The following LRP1 variants were observed in gnomAD, a reference collection of about 807,000 sequenced individuals.
LRP1 encodes LDL receptor related protein 1, also known as prolow-density lipoprotein receptor-related protein 1.
LRP1 carries 51 observed loss-of-function variants against 541.5 expected under a neutral mutation model. The observed-to-expected ratio is 0.09, with a 90% confidence interval of 0.08 to 0.12. The LOEUF is 0.12. Among genes scored for constraint, LRP1 ranks in the 10% least tolerant of loss-of-function variants. The pLI, the probability that LRP1 is intolerant of heterozygous loss-of-function variation, is 1.00. For missense variants in LRP1, 3,878 were observed against 6,376.2 expected (o/e 0.61, Z 13.34); for synonymous variants, 2,219 against 2,470.8 (o/e 0.90, Z 3.02).
chr12:57,201,065 A>G lies in LRP1; in HGVS notation c.10257A>G (p.Lys3419=). The G allele has an allele frequency of 1.2e-6, 2 of 1,613,976 alleles. No individual in the cohort carries two copies. The highest frequency in any genetic ancestry group is 4.5e-5 in the East Asian group (2 of 44,864). Residue 3419 remains lysine (K), a synonymous_variant, in exon 65 of 89, where the codon AAA becomes AAG. Transcript: ENST00000243077. The surrounding 1 kb of genome is among the most constrained non-coding windows in gnomAD (Gnocchi z 6.4). Reference sequence around the variant, plus strand: ...ACGTCTGCTTGCCCAGTCAGTTCAAATGCACCAACACCAACCGCTGTATTC... The same window carrying G: ...ACGTCTGCTTGCCCAGTCAGTTCAAGTGCACCAACACCAACCGCTGTATTC... ...DIHVCLPSQF[K]CTNTNRCIPG...
intron 55 of LRP1, 46 bp from the exon 56 acceptor site, chr12:57,196,936 C>G (rs934574384): frequency 1.3e-6 from 2 of 1,536,488 alleles, no homozygotes; most frequent in Admixed American, 1.9e-5. Context: ...GGGTGGGAGG[C>G]CCAGACCCTG....
chr12:57,131,410 G>A (rs1407841773), intron 1 of LRP1, among the ~76,000 whole-genome samples: 1 of 152,134 alleles, frequency 6.6e-6, no homozygotes, highest in Non-Finnish European at 1.5e-5. Context: ...ATTTTCTAGT[G>A]GGGAGGGCAC....
At chr12:57,190,384 G>A (rs938925610) in intron 42 of LRP1, among the ~76,000 whole-genome samples, 31 of 152,174 alleles carry the variant, frequency 2.0e-4, no homozygotes, top group Admixed American at 1.8e-3. Context: ...CACATCCTGC[G>A]AGGCAGGTGG....
At chr12:57,137,967 G>A (rs998503489) in intron 1 of LRP1, among the ~76,000 whole-genome samples, 11 of 152,150 alleles carry the variant, frequency 7.2e-5, no homozygotes, top group Admixed American at 2.0e-4. Context: ...TTAGGGGTTG[G>A]GAAGGATGGG....
chr12:57,177,318 C>T lies in LRP1; in HGVS notation c.4196+73C>T, dbSNP rs2036066434. 3 of 1,580,800 alleles carry T rather than the reference C, an allele frequency of 1.9e-6. No homozygotes were observed. Among genetic ancestry groups the T allele is most frequent in the South Asian group, 1.1e-5 (1 of 87,952 alleles). On this transcript the variant is annotated intron_variant, in intron 25 of 88. Transcript: ENST00000243077. This position sits in a 1 kb window ranked among gnomAD's most constrained non-coding sequence, Gnocchi z 6.8. ...TCCCATTCAGCCTGGCCAGGGACAC[C>T]TTACTCCTCAGTGCCATCTGCCTCC...
rs756298065 is a variant in LRP1, at chr12:57,203,496, C to T, written c.10926C>T (p.Ser3642=). The change falls in exon 70 of 89, where the codon AGC becomes AGT. Residue 3642 remains serine (S), a synonymous_variant. Transcript: ENST00000243077. ...CAGACGCCGACTGCATGGACGGCAG[C>T]GACGAGGAGGCCTGCGGCACTGGCG... The part of the protein sequence containing the change: ...CDADADCMDG[S]DEEACGTGVR... 23 of 1,559,018 alleles carry T rather than the reference C, an allele frequency of 1.5e-5. No homozygotes were observed. Among genetic ancestry groups the T allele is most frequent in the South Asian group, 4.7e-5 (4 of 85,162 alleles).
chr12:57,157,873 T>C (rs947830526), intron 10 of LRP1, among the ~76,000 whole-genome samples: 1 of 151,940 alleles, frequency 6.6e-6, no homozygotes, highest in Non-Finnish European at 1.5e-5. Flanking sequence ...GAGGCAGGGG[T>C]TGGATTTTAT....
At chr12:57,155,668 G>A (rs959629260) in intron 8 of LRP1, 8 of 159,706 alleles carry the variant, frequency 5.0e-5, no homozygotes, top group Admixed American at 3.0e-4. Context: ...AAATGGTGGG[G>A]CCAGGCACGG....
intron 41 of LRP1, among the ~76,000 whole-genome samples, chr12:57,186,624 T>C (rs2036275667): frequency 6.6e-6 from 1 of 152,200 alleles, no homozygotes; most frequent in African/African-American, 2.4e-5. Flanking sequence ...TGTCTAAAAA[T>C]GTAGCATCCG....
At position 57,199,201 on chromosome 12, in the gene LRP1, T is replaced by C; in HGVS notation, c.9677-11T>C. The C allele has an allele frequency of 6.2e-7, 1 of 1,611,626 alleles. No homozygotes were observed. Among genetic ancestry groups the C allele is most frequent in the Non-Finnish European group, 8.5e-7 (1 of 1,178,986 alleles). ...GCTGACTGGCACTGTGCCTGCCCCT[T>C]GGCCCTGCAGTGCTGAGCCAGGACA... On this transcript the variant is annotated splice_polypyrimidine_tract_variant and intron_variant, in intron 60 of 88. Transcript: ENST00000243077.
At chr12:57,149,815 T>A (rs2035491790) in intron 6 of LRP1, 1 of 698,294 alleles carries the variant, frequency 1.4e-6, no homozygotes. Flanking sequence ...TTAGCAGAGC[T>A]TCTGCCAGGC....
Position 57,165,603 on chromosome 12 carries a change from T to C in LRP1, c.2531-202T>C, listed in dbSNP as rs1368293227. 5 of 585,248 alleles carry C rather than the reference T, an allele frequency of 8.5e-6. No individual in the cohort carries two copies. Among genetic ancestry groups the C allele is most frequent in the South Asian group, 2.1e-5 (1 of 47,380 alleles). 36.3% of individuals were successfully genotyped at this position (585,248 alleles called of 1,614,324 possible). A position where few individuals can be genotyped will look rare whatever the true frequency, so the allele number is the denominator to read the frequency against. ...ACACTGAAGTACAGTAAGCATTAAG[T>C]AGAGTAAACATCACTATTGTTGCTT... On this transcript the variant is annotated intron_variant, in intron 15 of 88. Coordinates refer to ENST00000243077, the MANE Select transcript of LRP1 (RefSeq NM_002332.3). The surrounding 1 kb of genome is among the most constrained non-coding windows in gnomAD (Gnocchi z 4.5).
intron 50 of LRP1, 131 bp from the exon 51 acceptor site, chr12:57,194,854 C>T: frequency 5.9e-6 from 7 of 1,183,788 alleles, no homozygotes; most frequent in Non-Finnish European, 8.6e-6. Context: ...GAGACTCTGC[C>T]TCTAGCTGCT....
chr12:57,202,092 C>A, intron 67 of LRP1, 187 bp downstream of exon 67: 1 of 716,934 alleles, frequency 1.4e-6, no homozygotes, highest in Non-Finnish European at 2.3e-6. Context: ...CACATCCACC[C>A]GTGCCCCATG....
At chr12:57,149,914 T>C (rs2035494184) in intron 6 of LRP1, 2 of 617,338 alleles carry the variant, frequency 3.2e-6, no homozygotes, top group Non-Finnish European at 5.8e-6. Flanking sequence ...GTAGGATTAC[T>C]AGACAGACTG....
In LRP1 at chr12:57,213,277, TTAA is replaced by T. The variant is rs2036957864; in HGVS notation, c.*727_*729del. ...GCCCCGTTTTGGGGACGTGAACGTT[TTAA>T]TAATTTTTGCTGAATTCCTTTACAA... On this transcript the variant is annotated 3_prime_UTR_variant, in exon 89 of 89. Coordinates refer to ENST00000243077, the MANE Select transcript of LRP1 (RefSeq NM_002332.3). The T allele has an allele frequency of 6.8e-6, 1 of 147,468 alleles. No homozygotes were observed. The highest frequency in any genetic ancestry group is 2.1e-4 in the South Asian group (1 of 4,720). The allele number at this position is 147,468 out of a possible 1,614,324, so 9.1% of individuals were successfully genotyped here. A position where few individuals can be genotyped will look rare whatever the true frequency, so the allele number is the denominator to read the frequency against.
chr12:57,212,106 C>T lies in LRP1; in HGVS notation c.13350-11C>T, dbSNP rs547531361. The stretch of plus-strand genomic sequence containing the variant: ...TAATCTCTGTCTCCTTATACTCCTG[C>T]CTTTCCCCAGGGCTAAGGGCTTCCA... On this transcript the variant is annotated splice_polypyrimidine_tract_variant and intron_variant, in intron 87 of 88. Transcript: ENST00000243077. The surrounding 1 kb of genome is among the most constrained non-coding windows in gnomAD (Gnocchi z 5.0). The T allele has an allele frequency of 1.2e-6, 2 of 1,613,688 alleles. No individual in the cohort carries two copies. Among genetic ancestry groups the T allele is most frequent in the South Asian group, 2.2e-5 (2 of 91,030 alleles).
Position 57,131,226 on chromosome 12 carries a change from C to T in LRP1, c.67+2195C>T, listed in dbSNP as rs140161221. On this transcript the variant is annotated intron_variant, in intron 1 of 88. Coordinates refer to ENST00000243077, the MANE Select transcript of LRP1 (RefSeq NM_002332.3). ...CAGGGCAGCAATCCTAGGGGCTTTCCCACCTCTTCTGCTTTCTCTTCTATG... is the reference window on the plus strand; with the variant it reads ...CAGGGCAGCAATCCTAGGGGCTTTCTCACCTCTTCTGCTTTCTCTTCTATG... 1.7e-3 allele frequency among the ~76,000 whole-genome samples: 253 copies of T among 152,262 alleles called. 1 individual carries two copies. Among genetic ancestry groups the T allele is most frequent in the African/African-American group, 5.8e-3 (240 of 41,542 alleles).
At chr12:57,187,176 G>A in intron 41 of LRP1, 91 bp from the exon 42 acceptor site, 2 of 1,360,542 alleles carry the variant, frequency 1.5e-6, no homozygotes, top group Non-Finnish European at 1.0e-6. Flanking sequence ...TTCCAGCCAG[G>A]AGAGCACCTG....
Sources: gnomAD v4.1 joint callset for allele counts (sites outside exome capture counted in the v4.1 genomes callset) on GRCh38, gnomAD v4.1.1 for gene constraint, Gnocchi (gnomAD v3.1) non-coding constraint, MANE v1.5 for transcripts, NCBI Gene and HGNC (gene_info 2026-07-23, HGNC 2026-07-21) for gene names.